Variants in TASP1 observed in about 807,000 individuals in gnomAD.
TASP1 encodes the protein threonine aspartase 1.
A neutral mutation model predicts 56.6 loss-of-function variants in TASP1; 16 were observed. The observed-to-expected ratio is 0.28, with a 90% confidence interval of 0.19 to 0.43. The LOEUF (loss-of-function observed/expected upper bound fraction) is 0.43, where lower values mean the gene tolerates loss of function less well. Ranked by LOEUF, TASP1 falls within the 20% of genes least tolerant of loss-of-function variation. TASP1 has a pLI of 1.00. For missense variants in TASP1, 393 were observed against 511.6 expected, an observed-to-expected ratio of 0.77 and a Z score of 2.24; for synonymous variants, 179 against 184.2, an observed-to-expected ratio of 0.97 and a Z score of 0.23.
At chr20:13,504,917 A>G (rs1022693196) in intron 10 of TASP1, among the ~76,000 whole-genome samples, 1 of 152,140 alleles carries the variant, frequency 6.6e-6, no homozygotes, top group African/African-American at 2.4e-5. Context: ...CCCAGAAAAT[A>G]ACAAAACGGC....
chr20:13,261,284 G>C, the TASP1 span, among the ~76,000 whole-genome samples: 1 of 152,026 alleles, frequency 6.6e-6, no homozygotes, highest in Non-Finnish European at 1.5e-5. Flanking sequence ...GTGTGGTGGT[G>C]GTGGGCACCT....
At chr20:13,221,628 G>T in the TASP1 span, 12 of 525,222 alleles carry the variant, frequency 2.3e-5, no homozygotes, top group Admixed American at 5.6e-5. Context: ...CCCAGCGCCA[G>T]CCCCGCGGGC....
chr20:13,206,068 G>A, the TASP1 span, among the ~76,000 whole-genome samples: 1 of 152,200 alleles, frequency 6.6e-6, no homozygotes, highest in Non-Finnish European at 1.5e-5. Context: ...AGTCATCAGA[G>A]CAGGGAGTCC....
the TASP1 span, among the ~76,000 whole-genome samples, chr20:13,273,257 C>T: frequency 3.7e-5 from 1 of 27,338 alleles, no homozygotes; most frequent in African/African-American, 7.1e-4. Context: ...TTTATTTTGA[C>T]AAGGTCTTTC....
rs192103581 is a variant in TASP1, at chr20:13,638,410, C to G, written c.-75+484G>C. On this transcript the variant is annotated intron_variant, in intron 1 of 13. Coordinates refer to ENST00000337743, the MANE Select transcript of TASP1 (RefSeq NM_017714.3). ...CCATCTTCTCGGTCCTTTCCTCCTC[C>G]TCTTCTTCCTCCTCCTCCTCCCCCT... Among the ~76,000 whole-genome samples the G allele has an allele frequency of 1.8e-4, 28 of 152,118 alleles. 1 individual carries two copies. In the East Asian group the frequency reaches 5.4e-3, roughly 29 times the overall value.
At chr20:13,381,920 G>C in the TASP1 span, among the ~76,000 whole-genome samples, 2 of 152,214 alleles carry the variant, frequency 1.3e-5, no homozygotes, top group Non-Finnish European at 1.5e-5. Context: ...TCCTGGGGTT[G>C]AGTCTCTGTC....
intron 11 of TASP1, among the ~76,000 whole-genome samples, chr20:13,475,047 A>C (rs904374594): frequency 5.9e-5 from 9 of 152,180 alleles, no homozygotes; most frequent in Non-Finnish European, 1.2e-4. Context: ...AATAGAACAA[A>C]CATCCATTAA....
chr20:13,277,340 C>A, the TASP1 span, among the ~76,000 whole-genome samples: 1 of 152,164 alleles, frequency 6.6e-6, no homozygotes, highest in Non-Finnish European at 1.5e-5. Context: ...TAATTGTGGG[C>A]TTGCCTGGCT....
intron 8 of TASP1, among the ~76,000 whole-genome samples, chr20:13,541,845 T>C (rs983924080): frequency 5.3e-4 from 80 of 151,968 alleles, no homozygotes; most frequent in Middle Eastern, 3.4e-3. Flanking sequence ...CAAACCTGCA[T>C]ATAAATTAAA....
At chr20:13,626,798 G>C (rs1047385299) in intron 2 of TASP1, among the ~76,000 whole-genome samples, 4 of 152,152 alleles carry the variant, frequency 2.6e-5, no homozygotes, top group African/African-American at 7.2e-5. Context: ...ATTTCCTAAA[G>C]CATGGGATAC....
rs7267708 is a variant in TASP1 at position 13,461,772 on chromosome 20, T to C, written c.985+21455A>G. Reference sequence around the variant, plus strand: ...TGTAGGTTATTTCACTACATGAGCATTAAAGCCTTAATCACCAATTCTCCC... The same window carrying C: ...TGTAGGTTATTTCACTACATGAGCACTAAAGCCTTAATCACCAATTCTCCC... On this transcript the variant is annotated intron_variant, in intron 11 of 13. Coordinates refer to ENST00000337743, the MANE Select transcript of TASP1 (RefSeq NM_017714.3). Among the ~76,000 whole-genome samples the C allele has an allele frequency of 7.2e-3, 1,095 of 152,282 alleles. 17 individuals are homozygous for C. The highest frequency in any genetic ancestry group is 0.025 in the African/African-American group (1,045 of 41,564).
At chr20:13,178,846 G>A in the TASP1 span, among the ~76,000 whole-genome samples, 1 of 151,996 alleles carries the variant, frequency 6.6e-6, no homozygotes, top group Non-Finnish European at 1.5e-5. Context: ...GGAGAAATAG[G>A]TTCTAGTGTT....
chr20:13,362,506 T>A, the TASP1 span, among the ~76,000 whole-genome samples: 9,722 of 99,202 alleles, frequency 0.098, 1,013 homozygotes, highest in African/African-American at 0.19. Context: ...CCTGCCCACC[T>A]GAGAACAAAT....
chr20:13,132,098 G>C, the TASP1 span, among the ~76,000 whole-genome samples: 1 of 151,022 alleles, frequency 6.6e-6, no homozygotes, highest in Non-Finnish European at 1.5e-5. Flanking sequence ...CTGAAAATCT[G>C]CCTTATTAGG....
At chr20:13,394,221 T>C (rs1600664476) in intron 13 of TASP1, among the ~76,000 whole-genome samples, 1 of 147,686 alleles carries the variant, frequency 6.8e-6, no homozygotes, top group South Asian at 2.1e-4. Context: ...GAGGCAGAGG[T>C]TGCAGTGAGC....
chr20:13,220,885 C>G, the TASP1 span, among the ~76,000 whole-genome samples: 1 of 152,198 alleles, frequency 6.6e-6, no homozygotes, highest in Non-Finnish European at 1.5e-5. Context: ...CCAGGCACCA[C>G]CCCACCCACC....
At chr20:13,249,907 C>G in the TASP1 span, among the ~76,000 whole-genome samples, 4 of 151,924 alleles carry the variant, frequency 2.6e-5, no homozygotes, top group Non-Finnish European at 5.9e-5. Flanking sequence ...TTCTCATTTG[C>G]AAAAATTGCT....
intron 3 of TASP1, among the ~76,000 whole-genome samples, chr20:13,624,247 G>A (rs2048811495): frequency 6.6e-6 from 1 of 151,964 alleles, no homozygotes; most frequent in Admixed American, 6.6e-5. Flanking sequence ...ATATTAAAGA[G>A]GCTAAGTATA....
chr20:13,143,154 T>G, the TASP1 span, among the ~76,000 whole-genome samples: 1 of 152,156 alleles, frequency 6.6e-6, no homozygotes, highest in Non-Finnish European at 1.5e-5. Context: ...ATGGAGGACA[T>G]GTCTTGGGCA....
Sources: allele counts gnomAD v4.1 joint callset (sites outside exome capture counted in the v4.1 genomes callset), GRCh38; gene constraint gnomAD v4.1.1; transcripts MANE v1.5; gene names NCBI Gene and HGNC (gene_info 2026-07-23, HGNC 2026-07-21).